The following LRP1B variants were observed in gnomAD, a reference collection of about 807,000 sequenced individuals.
LRP1B encodes the protein low-density lipoprotein receptor-related protein 1B.
Under a neutral mutation model 556.6 loss-of-function variants are expected in LRP1B, and 217 were observed. The ratio of observed to expected loss-of-function variants is 0.39; its 90% CI spans 0.35 to 0.44. The LOEUF is 0.44. Ranked by LOEUF, LRP1B falls within the 20% of genes least tolerant of loss-of-function variation. LRP1B has a pLI of 1.00. For synonymous variants in LRP1B, 2,047 were observed against 1,865.8 expected, an observed-to-expected ratio of 1.10 and a Z score of -2.50; for missense variants, 5,053 against 5,620.8, an observed-to-expected ratio of 0.90 and a Z score of 3.23.
At chr2:141,700,436 T>C (rs1691899658) in intron 2 of LRP1B, among the ~76,000 whole-genome samples, 1 of 151,866 alleles carries the variant, frequency 6.6e-6, no homozygotes, top group Non-Finnish European at 1.5e-5. Context: ...TCTAAAATTG[T>C]AATCTCATAT....
chr2:141,821,267 A>G (rs902968144), intron 1 of LRP1B, among the ~76,000 whole-genome samples: 1 of 152,214 alleles, frequency 6.6e-6, no homozygotes, highest in South Asian at 2.1e-4. Flanking sequence ...GCAAAGAGAG[A>G]CTAAAACAAT....
chr2:141,382,156 C>T (rs533333597), intron 3 of LRP1B, among the ~76,000 whole-genome samples: 14 of 152,278 alleles, frequency 9.2e-5, no homozygotes, highest in South Asian at 6.2e-4. Flanking sequence ...CTTGGCATAG[C>T]GGCTCATCTG....
chr2:140,607,902 T>A (rs1439418082), intron 41 of LRP1B, among the ~76,000 whole-genome samples: 1 of 152,018 alleles, frequency 6.6e-6, no homozygotes, highest in Non-Finnish European at 1.5e-5. Context: ...GCAATAGATT[T>A]TAATATGGAT....
intron 43 of LRP1B, among the ~76,000 whole-genome samples, chr2:140,545,203 T>A (rs567808427): frequency 1.3e-5 from 2 of 151,810 alleles, no homozygotes; most frequent in African/African-American, 2.4e-5. Context: ...GTCGGACTCA[T>A]AGTTTGCAAA....
chr2:140,900,816 A>G (rs1320034526), intron 23 of LRP1B, among the ~76,000 whole-genome samples: 1 of 151,780 alleles, frequency 6.6e-6, no homozygotes, highest in Admixed American at 6.6e-5. Flanking sequence ...ATAAAAAGAA[A>G]AAATAAATGG....
At chr2:141,617,748 G>A (rs1688360892) in intron 2 of LRP1B, among the ~76,000 whole-genome samples, 1 of 152,060 alleles carries the variant, frequency 6.6e-6, no homozygotes, top group African/African-American at 2.4e-5. Flanking sequence ...TTAATACCAA[G>A]TTTACTTTTT....
intron 1 of LRP1B, among the ~76,000 whole-genome samples, chr2:142,074,901 G>T (rs1169357968): frequency 6.6e-6 from 1 of 151,980 alleles, no homozygotes; most frequent in Non-Finnish European, 1.5e-5. Context: ...CACATACTGT[G>T]TTATACACTA....
intron 7 of LRP1B, among the ~76,000 whole-genome samples, chr2:141,110,270 A>G (rs908833025): frequency 6.6e-6 from 1 of 152,162 alleles, no homozygotes; most frequent in African/African-American, 2.4e-5. Flanking sequence ...TTTCTAATTA[A>G]TGTTAATATC....
intron 2 of LRP1B, among the ~76,000 whole-genome samples, chr2:141,633,344 C>T (rs986803451): frequency 1.3e-5 from 2 of 152,028 alleles, no homozygotes; most frequent in African/African-American, 2.4e-5. Context: ...GAACTATAAA[C>T]ATGTATATGG....
rs143182544 is a variant in LRP1B at position 140,494,630 on chromosome 2, T to C, written c.9034+935A>G. ...TCAAAAAAAAAAAAAAAAAAAAAAA[T>C]TGTCTCCAAATAATCCTCAAATTGA... On this transcript the variant is annotated intron_variant, in intron 56 of 90. Coordinates refer to ENST00000389484, the MANE Select transcript of LRP1B (RefSeq NM_018557.3). Among the ~76,000 whole-genome samples, 689 of 140,438 alleles carry C rather than the reference T, an allele frequency of 4.9e-3. 7 individuals carry two copies. The highest frequency in any genetic ancestry group is 0.015 in the African/African-American group (592 of 38,500). The allele number at this position is 140,438 out of a possible 152,430, so 92.1% of individuals were successfully genotyped here.
chr2:141,985,153 G>T (rs1039750720), intron 1 of LRP1B, among the ~76,000 whole-genome samples: 9 of 152,098 alleles, frequency 5.9e-5, no homozygotes, highest in African/African-American at 2.2e-4. Context: ...AAGAAGTTGA[G>T]GGTCACGATG....
chr2:141,195,212 T>TGCTATGAGGGCACTCAAGCAGC (rs1681701976), intron 6 of LRP1B, among the ~76,000 whole-genome samples: 1 of 152,026 alleles, frequency 6.6e-6, no homozygotes, highest in Non-Finnish European at 1.5e-5. Context: ...CCACCTGCCA[T>TGCTATGAGGGCACTCAAGCAGC]GCTATGAGGG....
chr2:141,787,610 A>G (rs1695467224), intron 2 of LRP1B, among the ~76,000 whole-genome samples: 1 of 152,058 alleles, frequency 6.6e-6, no homozygotes, highest in Non-Finnish European at 1.5e-5. Context: ...CAAATAGAAA[A>G]AAAAACAACT....
intron 2 of LRP1B, among the ~76,000 whole-genome samples, chr2:141,692,610 A>C (rs895800166): frequency 3.9e-5 from 6 of 151,956 alleles, no homozygotes; most frequent in Non-Finnish European, 7.4e-5. Flanking sequence ...CAGAGTACTC[A>C]GGACCCATTA....
At chr2:141,195,728 T>C (rs115208366) in intron 6 of LRP1B, among the ~76,000 whole-genome samples, 13 of 152,176 alleles carry the variant, frequency 8.5e-5, no homozygotes, top group Non-Finnish European at 1.8e-4. Context: ...CTCTTGAAAA[T>C]GTCTGCTCTA....
At chr2:140,864,380 G>C (rs1692887580) in intron 27 of LRP1B, among the ~76,000 whole-genome samples, 1 of 152,034 alleles carries the variant, frequency 6.6e-6, no homozygotes, top group Non-Finnish European at 1.5e-5. Context: ...TATGAATGTA[G>C]AGGAGGTAAA....
rs78924376 is a variant in LRP1B, at chr2:141,879,473, A to T, written c.83-69072T>A. Among the ~76,000 whole-genome samples, 1,039 of 152,072 alleles carry T rather than the reference A, an allele frequency of 6.8e-3. 11 individuals are homozygous for T. Among genetic ancestry groups the T allele is most frequent in the African/African-American group, 0.024 (1,002 of 41,538 alleles). ...CAAAATCAGTTTTTTAAAAATAGTA[A>T]ATTCAAAATAATACATCTTTATTTT... On this transcript the variant is annotated intron_variant, in intron 1 of 90. Transcript: ENST00000389484.
At chr2:140,800,051 T>C (rs1432539985) in intron 32 of LRP1B, among the ~76,000 whole-genome samples, 2 of 152,144 alleles carry the variant, frequency 1.3e-5, no homozygotes, top group East Asian at 3.9e-4. Flanking sequence ...ATATACACCA[T>C]GGAATACTAT....
At position 140,499,396 on chromosome 2, in the gene LRP1B, C is replaced by G. The variant is rs777152706; in HGVS notation, c.8850+2291G>C. On this transcript the variant is annotated intron_variant, in intron 55 of 90. Coordinates refer to ENST00000389484, the MANE Select transcript of LRP1B (RefSeq NM_018557.3). ...ACACATGGAATAAACACAAATAAAT[C>G]TACTTTGAAATGTATCACATAGAAC... is the stretch of plus-strand genomic sequence containing the variant. Among the ~76,000 whole-genome samples, 285 of 151,824 alleles carry G rather than the reference C, an allele frequency of 1.9e-3. 2 individuals are homozygous for G. Among genetic ancestry groups the G allele is most frequent in the Non-Finnish European group, 3.1e-3 (213 of 67,790 alleles).
Sources: gnomAD v4.1 joint callset for allele counts (sites outside exome capture counted in the v4.1 genomes callset) on GRCh38, gnomAD v4.1.1 for gene constraint, MANE v1.5 for transcripts, NCBI Gene and HGNC (gene_info 2026-07-23, HGNC 2026-07-21) for gene names.